ACOT12: variants seen among roughly 807,000 people sequenced by gnomAD.
ACOT12 encodes acyl-CoA thioesterase 12.
A neutral mutation model predicts 67.7 loss-of-function variants in ACOT12; 51 were observed. The observed-to-expected ratio is 0.75, with a 90% CI of 0.60 to 0.95. The LOEUF (loss-of-function observed/expected upper bound fraction) is 0.95, where lower values mean the gene tolerates loss of function less well. ACOT12 is among the 40% of genes least tolerant of loss of function. The pLI is 0.00. For synonymous variants in ACOT12, 251 were observed against 244.6 expected (o/e 1.03, Z -0.24); for missense variants, 734 against 708.1 (o/e 1.04, Z -0.41).
intron 2 of ACOT12, among the ~76,000 whole-genome samples, chr5:81,374,259 A>T (rs1235127313): frequency 6.6e-6 from 1 of 152,198 alleles, no homozygotes; most frequent in African/African-American, 2.4e-5. Context: ...TGACTGTTAG[A>T]AGGAAGACTA....
chr5:81,321,103 A>C, the ACOT12 span, among the ~76,000 whole-genome samples: 1 of 152,168 alleles, frequency 6.6e-6, no homozygotes, highest in Admixed American at 6.5e-5. Flanking sequence ...AAAAAATACA[A>C]AATTCAGCAG....
chr5:81,349,438 T>C (rs527546117), intron 5 of ACOT12, among the ~76,000 whole-genome samples: 1 of 152,220 alleles, frequency 6.6e-6, no homozygotes, highest in Admixed American at 6.5e-5. Context: ...TGAGGAAGTA[T>C]TACCTTCAAC....
chr5:81,320,906 G>A, the ACOT12 span, among the ~76,000 whole-genome samples: 1 of 152,158 alleles, frequency 6.6e-6, no homozygotes, highest in Non-Finnish European at 1.5e-5. Context: ...AAAAGTCCAA[G>A]ATCAAGGTGC....
chr5:81,324,995 A>C, the ACOT12 span, among the ~76,000 whole-genome samples: 187 of 152,316 alleles, frequency 1.2e-3, no homozygotes, highest in African/African-American at 4.3e-3. Flanking sequence ...GTATCGTTTT[A>C]TTTTAAGAGA....
chr5:81,308,728 G>T, the ACOT12 span: 5 of 1,594,050 alleles, frequency 3.1e-6, no homozygotes, highest in Non-Finnish European at 4.3e-6. Flanking sequence ...GTTTCTTTCA[G>T]TTTTTTGTTT....
chr5:81,320,647 C>A, the ACOT12 span, among the ~76,000 whole-genome samples: 1 of 151,914 alleles, frequency 6.6e-6, no homozygotes, highest in Non-Finnish European at 1.5e-5. Context: ...TTCAAGGGAC[C>A]AGACTGCATG....
At chr5:81,310,792 T>C in the ACOT12 span, among the ~76,000 whole-genome samples, 1 of 152,246 alleles carries the variant, frequency 6.6e-6, no homozygotes, top group South Asian at 2.1e-4. Flanking sequence ...GTTTCTAATC[T>C]GTTTTTGGGC....
intron 1 of ACOT12, 86 bp from the exon 2 acceptor site, chr5:81,385,912 T>C: frequency 7.8e-7 from 1 of 1,277,192 alleles, no homozygotes; most frequent in South Asian, 1.3e-5. Context: ...TGTAAGTGCA[T>C]TGATTTTAGT....
chr5:81,382,633 C>A (rs1321275913), intron 2 of ACOT12, among the ~76,000 whole-genome samples: 2 of 151,792 alleles, frequency 1.3e-5, no homozygotes, highest in African/African-American at 4.8e-5. Flanking sequence ...CCCATCTCTA[C>A]TAAAAAATAC....
intron 2 of ACOT12, among the ~76,000 whole-genome samples, chr5:81,373,591 C>T (rs911714694): frequency 3.3e-5 from 5 of 152,198 alleles, no homozygotes; most frequent in Non-Finnish European, 7.3e-5. Context: ...CCCACGCTCA[C>T]GGAGCCCAGC....
At chr5:81,351,249 TC>T (rs1422671444) in intron 5 of ACOT12, among the ~76,000 whole-genome samples, 3 of 152,240 alleles carry the variant, frequency 2.0e-5, no homozygotes, top group African/African-American at 4.8e-5. Flanking sequence ...TTTATACATA[TC>T]CCAAACTAGT....
At chr5:81,341,482 A>T (rs1022972497) in intron 11 of ACOT12, among the ~76,000 whole-genome samples, 1 of 152,268 alleles carries the variant, frequency 6.6e-6, no homozygotes, top group East Asian at 1.9e-4. Context: ...ATGATGGGAC[A>T]ACAGGTGTAA....
chr5:81,346,089 C>G, intron 6 of ACOT12, 85 bp from the exon 7 acceptor site: 1 of 1,556,388 alleles, frequency 6.4e-7, no homozygotes. Flanking sequence ...TTCAAATAAG[C>G]ATTTCTTTAA....
chr5:81,365,956 A>C (rs562409902), intron 3 of ACOT12, among the ~76,000 whole-genome samples: 76 of 152,352 alleles, frequency 5.0e-4, no homozygotes, highest in African/African-American at 1.8e-3. Flanking sequence ...ATACAGGGTG[A>C]AACCCCAGAC....
chr5:81,365,924 G>T (rs1313173167), intron 3 of ACOT12, among the ~76,000 whole-genome samples: 1 of 152,196 alleles, frequency 6.6e-6, no homozygotes, highest in Non-Finnish European at 1.5e-5. Context: ...GTGAGTCTTT[G>T]GGTTGATACT....
At chr5:81,328,733 TA>T (rs1487573194), downstream of ACOT12, among the ~76,000 whole-genome samples, 2 of 152,012 alleles carry the variant, frequency 1.3e-5, no homozygotes, top group African/African-American at 4.8e-5. Context: ...GAAATATATT[TA>T]AAAAAGGGGT....
chr5:81,322,835 C>T, the ACOT12 span, among the ~76,000 whole-genome samples: 1 of 152,162 alleles, frequency 6.6e-6, no homozygotes, highest in South Asian at 2.1e-4. Flanking sequence ...ATGCCAGACG[C>T]TTATAAAACC....
intron 7 of ACOT12, 98 bp from the exon 8 acceptor site, chr5:81,345,139 C>T (rs1759340840): frequency 7.2e-7 from 1 of 1,380,414 alleles, no homozygotes; most frequent in African/African-American, 1.5e-5. Context: ...GCTGCCACCT[C>T]CTCTAAGCAA....
intron 2 of ACOT12, among the ~76,000 whole-genome samples, chr5:81,381,061 T>C (rs1561350980): frequency 1.3e-5 from 2 of 151,762 alleles, no homozygotes. Flanking sequence ...AAATGCAGTA[T>C]TAAAACCTTT....
Sources: allele counts gnomAD v4.1 joint callset (sites outside exome capture counted in the v4.1 genomes callset), GRCh38; gene constraint gnomAD v4.1.1; transcripts MANE v1.5; gene names NCBI Gene and HGNC (gene_info 2026-07-23, HGNC 2026-07-21).